GPR39: variants seen among roughly 807,000 people sequenced by gnomAD.
GPR39 encodes zinc sensing receptor.
In GPR39, 23 loss-of-function variants were observed where a neutral mutation model predicts 18.4. That is an observed-to-expected ratio of 1.25 (90% CI 0.90 to 1.77). The LOEUF is 1.77. GPR39 is among the 40% of genes most tolerant of loss of function. GPR39 has a pLI of 0.00. For missense variants in GPR39, 647 were observed against 602.4 expected (o/e 1.07, Z -0.78); for synonymous variants, 280 against 257.9 (o/e 1.09, Z -0.82).
chr2:132,602,201 C>A (rs895575986), intron 1 of GPR39, among the ~76,000 whole-genome samples: 2 of 151,712 alleles, frequency 1.3e-5, no homozygotes, highest in African/African-American at 4.8e-5. Flanking sequence ...ACATATAGAC[C>A]AACATAACAA....
At chr2:132,601,051 G>A (rs1354806826) in intron 1 of GPR39, among the ~76,000 whole-genome samples, 2 of 152,106 alleles carry the variant, frequency 1.3e-5, no homozygotes, top group Non-Finnish European at 2.9e-5. Flanking sequence ...TTTTAAATCA[G>A]AACTAACACC....
At chr2:132,473,744 G>T (rs977780037) in intron 1 of GPR39, among the ~76,000 whole-genome samples, 11 of 152,172 alleles carry the variant, frequency 7.2e-5, no homozygotes, top group South Asian at 2.1e-4. Context: ...GGCCACAGAT[G>T]AATTGAGAGA....
At chr2:132,509,624 C>T (rs1679203928) in intron 1 of GPR39, among the ~76,000 whole-genome samples, 1 of 152,132 alleles carries the variant, frequency 6.6e-6, no homozygotes, top group South Asian at 2.1e-4. Context: ...TGTGTAAATT[C>T]CTTAACTGCT....
At chr2:132,570,336 G>A (rs1680420689) in intron 1 of GPR39, among the ~76,000 whole-genome samples, 1 of 151,984 alleles carries the variant, frequency 6.6e-6, no homozygotes, top group African/African-American at 2.4e-5. Context: ...CTGCTCCAGG[G>A]AAGTCTCCAC....
Position 132,561,810 on chromosome 2 carries a change from G to A in GPR39, c.857-83291G>A, listed in dbSNP as rs528262885. On this transcript the variant is annotated intron_variant, in intron 1 of 1. Transcript: ENST00000329321. ...AGGAAGACTCAATGTTTCAGTCCAA[G>A]TCTAAAGGCCAGAAAAGGTCAATGT... Among the ~76,000 whole-genome samples, 3 of 152,284 alleles carry A rather than the reference G, an allele frequency of 2.0e-5. No homozygotes were observed. The East Asian group carries it at 5.8e-4, about 30-fold the overall frequency.
chr2:132,640,727 A>G (rs930474718), intron 1 of GPR39, among the ~76,000 whole-genome samples: 2 of 152,226 alleles, frequency 1.3e-5, no homozygotes, highest in African/African-American at 4.8e-5. Flanking sequence ...CGTGAATAAG[A>G]CTTTAAAGCT....
At chr2:132,441,159 T>C (rs556155081) in intron 1 of GPR39, among the ~76,000 whole-genome samples, 188 of 152,190 alleles carry the variant, frequency 1.2e-3, no homozygotes, top group Non-Finnish European at 1.5e-3. Flanking sequence ...CAGCCTCTGT[T>C]CTGGGCCCAA....
chr2:132,427,566 CAT>C (rs1403610355), intron 1 of GPR39, among the ~76,000 whole-genome samples: 7 of 150,632 alleles, frequency 4.6e-5, no homozygotes, highest in African/African-American at 1.5e-4. Flanking sequence ...TCTTTGGAGA[CAT>C]ATACTCAGCA....
intron 1 of GPR39, among the ~76,000 whole-genome samples, chr2:132,626,139 G>A (rs967127050): frequency 2.6e-5 from 4 of 151,950 alleles, no homozygotes; most frequent in Non-Finnish European, 5.9e-5. Context: ...AGCCTAAAAT[G>A]GTTAAATGAC....
At chr2:132,436,946 A>G (rs1005408226) in intron 1 of GPR39, among the ~76,000 whole-genome samples, 6 of 152,218 alleles carry the variant, frequency 3.9e-5, no homozygotes, top group African/African-American at 1.4e-4. Flanking sequence ...ATGCTCATTC[A>G]TTGAATTCTC....
intron 1 of GPR39, among the ~76,000 whole-genome samples, chr2:132,502,186 C>T (rs972226777): frequency 2.0e-5 from 3 of 152,080 alleles, no homozygotes; most frequent in Non-Finnish European, 4.4e-5. Flanking sequence ...GAGAATTATG[C>T]TTTAAGAAGG....
chr2:132,543,408 T>G (rs983437587), intron 1 of GPR39, among the ~76,000 whole-genome samples: 1 of 152,300 alleles, frequency 6.6e-6, no homozygotes, highest in South Asian at 2.1e-4. Context: ...CCCTTATCTG[T>G]GCAAAACATC....
chr2:132,457,424 T>C (rs923895108), intron 1 of GPR39, among the ~76,000 whole-genome samples: 5 of 152,190 alleles, frequency 3.3e-5, no homozygotes, highest in African/African-American at 1.2e-4. Context: ...TGGGTTCGAA[T>C]GTCCTCCTTT....
rs1250211642 is a variant in GPR39, at chr2:132,417,949, A to G, written c.856+51A>G. The G allele has an allele frequency of 2.0e-6, 3 of 1,529,434 alleles. No individual in the cohort carries two copies. The Admixed American group carries it at 5.5e-5, about 28-fold the overall frequency. 94.7% of individuals were successfully genotyped at this position (1,529,434 alleles called of 1,614,324 possible). A position where few individuals can be genotyped will look rare whatever the true frequency, so the allele number is the denominator to read the frequency against. On this transcript the variant is annotated intron_variant, in intron 1 of 1. Transcript: ENST00000329321. ...GTGAGCAGCTTCCCAACCTTCCCCCACGACCCGTGCCACTGCCTGTGGCCC... is the reference window on the plus strand; with the variant it reads ...GTGAGCAGCTTCCCAACCTTCCCCCGCGACCCGTGCCACTGCCTGTGGCCC...
rs577619474 is a variant in GPR39 at position 132,631,749 on chromosome 2, G to T, written c.857-13352G>T. On this transcript the variant is annotated intron_variant, in intron 1 of 1. Coordinates refer to ENST00000329321, the MANE Select transcript of GPR39 (RefSeq NM_001508.3). ...CTGAATTCCAGATTCTGTTTATGGG[G>T]AGGGGCGGAGTCAGCCTATGATGAG... Among the ~76,000 whole-genome samples the T allele has an allele frequency of 4.6e-5, 7 of 152,084 alleles. No homozygotes were observed. In the East Asian group the frequency reaches 1.4e-3, roughly 29 times the overall value.
chr2:132,425,376 C>A (rs1680099385), intron 1 of GPR39, among the ~76,000 whole-genome samples: 1 of 152,082 alleles, frequency 6.6e-6, no homozygotes, highest in African/African-American at 2.4e-5. Context: ...GGCAGAGTAG[C>A]CATGCATTGC....
intron 1 of GPR39, among the ~76,000 whole-genome samples, chr2:132,598,649 C>T (rs1048608179): frequency 3.3e-5 from 5 of 151,956 alleles, no homozygotes; most frequent in African/African-American, 1.2e-4. Flanking sequence ...ATGTGAAGGG[C>T]AGGCTAGATG....
intron 1 of GPR39, among the ~76,000 whole-genome samples, chr2:132,538,209 A>G (rs1014938675): frequency 6.6e-6 from 1 of 152,114 alleles, no homozygotes; most frequent in Non-Finnish European, 1.5e-5. Context: ...TTTGAGGCTG[A>G]TGACCTTTAG....
intron 1 of GPR39, among the ~76,000 whole-genome samples, chr2:132,495,065 A>G (rs1681613686): frequency 6.6e-6 from 1 of 152,140 alleles, no homozygotes; most frequent in Non-Finnish European, 1.5e-5. Context: ...AGACACATCA[A>G]AGACACTAGG....
Sources: allele counts gnomAD v4.1 joint callset (sites outside exome capture counted in the v4.1 genomes callset), GRCh38; gene constraint gnomAD v4.1.1; transcripts MANE v1.5; gene names NCBI Gene and HGNC (gene_info 2026-07-23, HGNC 2026-07-21).